The following KRTAP10-7 variants were observed in gnomAD, a reference collection of about 807,000 sequenced individuals.
The protein encoded by KRTAP10-7 is keratin-associated protein 10-7.
For missense variants in KRTAP10-7, 394 were observed against 474.3 expected (o/e 0.83, Z 1.57); for synonymous variants, 162 against 199.6 (o/e 0.81, Z 1.59).
At position 44,601,439 on chromosome 21, in the gene KRTAP10-7, C is replaced by T; in HGVS notation, c.818C>T (p.Pro273Leu). 3.7e-6 allele frequency: 6 copies of T among 1,611,340 alleles called. No homozygotes were observed. Among genetic ancestry groups the T allele is most frequent in the Non-Finnish European group, 4.2e-6 (5 of 1,178,762 alleles). Residue 273 changes from proline (P) to leucine (L), a missense_variant, in exon 1 of 1, where the codon CCT (proline) becomes CTT (leucine). Pro to Leu is a moderately conservative substitution (Grantham distance 98). Coordinates refer to ENST00000609664, the MANE Select transcript of KRTAP10-7 (RefSeq NM_198689.3). ...QGCCVPVCCK[P>L]VCCVPVCSGA... ...TGCTGCGTGCCCGTCTGCTGTAAGC[C>T]TGTGTGCTGTGTGCCCGTCTGCTCT...
In KRTAP10-7 at chr21:44,601,004, T is replaced by C. The variant is rs377276673; in HGVS notation, c.383T>C (p.Val128Ala). Residue 128 changes from valine to alanine, a missense_variant, in exon 1 of 1, where the codon GTC becomes GCC. Physicochemically the swap from Val to Ala is moderately conservative, Grantham distance 64 (BLOSUM62 0). Transcript: ENST00000609664. ...TGCAAGCCTGTGTACTGTGTGCCTG[T>C]CTGCAGTGGGGATTCTTCATGCTGC... ...VCCKPVYCVP[V>A]CSGDSSCCQQ... 2.5e-6 allele frequency: 4 copies of C among 1,610,482 alleles called. No homozygotes were observed. The African/African-American group carries it at 4.1e-5, about 17-fold the overall frequency.
Position 44,600,810 on chromosome 21 carries a change from G to A in KRTAP10-7, c.189G>A (p.Val63=), listed in dbSNP as rs782170621. The change falls in exon 1 of 1, where the codon GTG becomes GTA. Residue 63 remains valine (V), a synonymous_variant. Transcript: ENST00000609664. ...TGGTCTGCACCCCAGTGAGCTATGT[G>A]TCCAGCCCCTGCTGCCGAGTGACCT... ...LSLVCTPVSY[V]SSPCCRVTCE... The A allele has an allele frequency of 6.0e-4, 951 of 1,595,388 alleles. 185 individuals carry two copies. The South Asian group carries it at 7.5e-3, about 13-fold the overall frequency.
chr21:44,600,861 C>CT, the KRTAP10-7 span: 1 of 1,610,218 alleles, frequency 6.2e-7, no homozygotes, highest in Non-Finnish European at 8.5e-7. Context: ...GCCAATCAGG[C>CT]TGCACCAGCT....
chr21:44,600,926 C>T lies in KRTAP10-7; in HGVS notation c.305C>T (p.Ser102Phe). 6 of 1,612,014 alleles carry T rather than the reference C, an allele frequency of 3.7e-6. No individual in the cohort carries two copies. Among genetic ancestry groups the T allele is most frequent in the Admixed American group, 1.7e-5 (1 of 59,906 alleles). ...QSSCQLACCA[S>F]SPCQQACCVP... ...AGCTGCCAGCTGGCTTGCTGTGCCT[C>T]CTCCCCCTGCCAGCAGGCCTGCTGC... is the stretch of plus-strand genomic sequence containing the variant. The change falls in exon 1 of 1, where the codon TCC becomes TTC. Residue 102 changes from serine (S) to phenylalanine (F), a missense_variant. Physicochemically the swap from Ser to Phe is radical, Grantham distance 155. Coordinates refer to ENST00000609664, the MANE Select transcript of KRTAP10-7 (RefSeq NM_198689.3).
Position 44,601,794 on chromosome 21 carries a change from C to A in KRTAP10-7, c.*60C>A. 6.4e-7 allele frequency: 1 copy of A among 1,564,024 alleles called. No homozygotes were observed. Among genetic ancestry groups the A allele is most frequent in the Non-Finnish European group, 8.7e-7 (1 of 1,152,966 alleles). On this transcript the variant is annotated 3_prime_UTR_variant, in exon 1 of 1. Transcript: ENST00000609664. ...TCACTGCCACCTGCACCCCTGGATTCTTTACCCTTGACGGCTCTCCACATC... is the reference window on the plus strand; with the variant it reads ...TCACTGCCACCTGCACCCCTGGATTATTTACCCTTGACGGCTCTCCACATC...
At position 44,601,845 on chromosome 21, in the gene KRTAP10-7, T is replaced by A. The variant is rs1409032671; in HGVS notation, c.*111T>A. ...CCGCTCCTAAGCCCTGCAGTGGACG[T>A]CAGTGGTCAGCTGGCCATCCAGTGT... On this transcript the variant is annotated 3_prime_UTR_variant, in exon 1 of 1. Coordinates refer to ENST00000609664, the MANE Select transcript of KRTAP10-7 (RefSeq NM_198689.3). The A allele has an allele frequency of 7.0e-7, 1 of 1,420,118 alleles. No individual in the cohort carries two copies. The highest frequency in any genetic ancestry group is 9.4e-7 in the Non-Finnish European group (1 of 1,059,734). 88.0% of individuals were successfully genotyped at this position (1,420,118 alleles called of 1,614,324 possible). A position where few individuals can be genotyped will look rare whatever the true frequency, so the allele number is the denominator to read the frequency against.
In KRTAP10-7 at chr21:44,601,251, G is replaced by T; in HGVS notation, c.630G>T (p.Gln210His). ...CISSCTPSCC[Q>H]QSSCKPACCT... ...GCTCCTGCACGCCCTCGTGCTGCCA[G>T]CAGTCTAGCTGCAAGCCGGCTTGCT... The change falls in exon 1 of 1, where the codon CAG becomes CAT. Residue 210 changes from glutamine (Q) to histidine (H), a missense_variant. Gln to His is a conservative substitution (Grantham distance 24, BLOSUM62 0). Coordinates refer to ENST00000609664, the MANE Select transcript of KRTAP10-7 (RefSeq NM_198689.3). 6.2e-7 allele frequency: 1 copy of T among 1,609,250 alleles called. No homozygotes were observed. Among genetic ancestry groups the T allele is most frequent in the East Asian group, 2.3e-5 (1 of 44,316 alleles).
In KRTAP10-7 at chr21:44,600,788, T is replaced by G. The variant is rs1488003013; in HGVS notation, c.167T>G (p.Val56Gly). ...CCAPAPCLSL[V>G]CTPVSYVSSP... is the part of the protein sequence containing the mutation. ...GCCCCGGCCCCCTGCCTGAGCCTGG[T>G]CTGCACCCCAGTGAGCTATGTGTCC... Residue 56 changes from valine to glycine, a missense_variant, in exon 1 of 1, where the codon GTC becomes GGC. Physicochemically the swap from Val to Gly is moderately radical, Grantham distance 109. Transcript: ENST00000609664. 92 of 1,597,396 alleles carry G rather than the reference T, an allele frequency of 5.8e-5. 7 individuals carry two copies. The highest frequency in any genetic ancestry group is 7.1e-5 in the Non-Finnish European group (83 of 1,175,840).
rs782692391 is a variant in KRTAP10-7, at chr21:44,600,601, T to C, written c.-21T>C. On this transcript the variant is annotated 5_prime_UTR_variant, in exon 1 of 1. Transcript: ENST00000609664. Reference sequence around the variant, plus strand: ...ACTCACTCACCCACTCACTCCCATCTCCTCCAGTTCAATCCCCAGCATGGC... The same window carrying C: ...ACTCACTCACCCACTCACTCCCATCCCCTCCAGTTCAATCCCCAGCATGGC... 6.2e-7 allele frequency: 1 copy of C among 1,604,158 alleles called. No individual in the cohort carries two copies. Among genetic ancestry groups the C allele is most frequent in the Admixed American group, 1.7e-5 (1 of 59,708 alleles).
Position 44,600,716 on chromosome 21 carries a change from G to T in KRTAP10-7, c.95G>T (p.Trp32Leu), listed in dbSNP as rs781929207. The change falls in exon 1 of 1, where the codon TGG (tryptophan) becomes TTG (leucine). Residue 32 changes from tryptophan (W) to leucine (L), a missense_variant. Physicochemically the swap from Trp to Leu is moderately conservative, Grantham distance 61 (BLOSUM62 -2). Transcript: ENST00000609664. ...TCCTGTGACTCTTGCTCCGACTCCT[G>T]GCAGGTGGACGACTGCCCAGAGAGC... ...PGSCDSCSDSWQVDDCPESCC... is the reference protein window; with the variant it reads ...PGSCDSCSDSLQVDDCPESCC... 8.1e-6 allele frequency: 13 copies of T among 1,612,986 alleles called. No homozygotes were observed. In the East Asian group the frequency reaches 2.9e-4, roughly 36 times the overall value.
At position 44,600,843 on chromosome 21, in the gene KRTAP10-7, C is replaced by T; in HGVS notation, c.222C>T (p.Pro74=). The T allele has an allele frequency of 6.2e-7, 1 of 1,608,940 alleles. No homozygotes were observed. ...CCTGCTGCCGAGTGACCTGTGAGCC[C>T]AGCCCCTGCCAATCAGGCTGCACCA... The part of the protein sequence containing the change: ...SSPCCRVTCE[P]SPCQSGCTSS... The change falls in exon 1 of 1, where the codon CCC becomes CCT. Residue 74 remains proline (P), a synonymous_variant. Transcript: ENST00000609664.
rs1555928494 is a variant in KRTAP10-7, at chr21:44,600,924, C to T, written c.303C>T (p.Ala101=). The part of the protein sequence containing the change: ...QQSSCQLACC[A]SSPCQQACCV... ...CTAGCTGCCAGCTGGCTTGCTGTGC[C>T]TCCTCCCCCTGCCAGCAGGCCTGCT... The change falls in exon 1 of 1, where the codon GCC becomes GCT. Residue 101 remains alanine, a synonymous_variant. Coordinates refer to ENST00000609664, the MANE Select transcript of KRTAP10-7 (RefSeq NM_198689.3). 1.2e-6 allele frequency: 2 copies of T among 1,611,714 alleles called. No individual in the cohort carries two copies. Among genetic ancestry groups the T allele is most frequent in the Admixed American group, 1.7e-5 (1 of 59,876 alleles).
Position 44,600,864 on chromosome 21 carries a change from C to T in KRTAP10-7, c.243C>T (p.Cys81=), listed in dbSNP as rs782205356. The part of the protein sequence containing the change: ...TCEPSPCQSG[C]TSSCTPSCCQ... ...AGCCCAGCCCCTGCCAATCAGGCTG[C>T]ACCAGCTCCTGCACGCCCTCGTGCT... is the stretch of plus-strand genomic sequence containing the variant. Residue 81 remains cysteine (C), a synonymous_variant, in exon 1 of 1, where the codon TGC becomes TGT. Transcript: ENST00000609664. 28 of 1,610,414 alleles carry T rather than the reference C, an allele frequency of 1.7e-5. No individual in the cohort carries two copies. In the African/African-American group the frequency reaches 3.4e-4, roughly 20 times the overall value.
chr21:44,602,048 T>C lies in KRTAP10-7; in HGVS notation c.*314T>C. 2.1e-6 allele frequency: 1 copy of C among 486,862 alleles called. No individual in the cohort carries two copies. The allele number at this position is 486,862 out of a possible 1,614,324, so 30.2% of individuals were successfully genotyped here. The stretch of plus-strand genomic sequence containing the variant: ...GGTAGACAGGTACCAACTGGGTTTC[T>C]CGTCACTGTCCCAGCTCAGTGGCGA... On this transcript the variant is annotated 3_prime_UTR_variant, in exon 1 of 1. Transcript: ENST00000609664.
rs1187955755 is a variant in KRTAP10-7, at chr21:44,601,139, G to A, written c.518G>A (p.Cys173Tyr). The part of the protein sequence containing the change: ...PVCSGISSSC[C>Y]QQSSCVSCVS... ...TGCTCTGGGATTTCCTCTTCGTGCT[G>A]CCAGCAGTCTAGCTGTGTGAGCTGT... The change falls in exon 1 of 1, where the codon TGC becomes TAC. Residue 173 changes from cysteine (C) to tyrosine (Y), a missense_variant. Physicochemically the swap from Cys to Tyr is radical, Grantham distance 194. Coordinates refer to ENST00000609664, the MANE Select transcript of KRTAP10-7 (RefSeq NM_198689.3). The A allele has an allele frequency of 1.3e-6, 2 of 1,599,430 alleles. No individual in the cohort carries two copies. Among genetic ancestry groups the A allele is most frequent in the South Asian group, 2.2e-5 (2 of 90,208 alleles).
Position 44,600,970 on chromosome 21 carries a change from A to G in KRTAP10-7, c.349A>G (p.Thr117Ala). 1 of 1,573,268 alleles carries G rather than the reference A, an allele frequency of 6.4e-7. No homozygotes were observed. The highest frequency in any genetic ancestry group is 8.6e-7 in the Non-Finnish European group (1 of 1,162,328). Residue 117 changes from threonine (T) to alanine (A), a missense_variant, in exon 1 of 1, where the codon ACT becomes GCT. Physicochemically the swap from Thr to Ala is moderately conservative, Grantham distance 58. Coordinates refer to ENST00000609664, the MANE Select transcript of KRTAP10-7 (RefSeq NM_198689.3). ...QACCVPVCCK[T>A]VCCKPVYCVP... ...CTGCTGCGTGCCCGTCTGCTGCAAG[A>G]CTGTCTGCTGCAAGCCTGTGTACTG... is the stretch of plus-strand genomic sequence containing the variant.
rs782219309 is a variant in KRTAP10-7, at chr21:44,601,680, A to G, written c.1059A>G (p.Ala353=). ...ASCVSLLCRP[A]CSRPACCGPT... is the part of the protein sequence containing the mutation. ...GTGTGTCTCTCCTTTGCCGCCCCGC[A>G]TGCTCCCGCCCGGCCTGCTGTGGCC... The change falls in exon 1 of 1, where the codon GCA becomes GCG. Residue 353 remains alanine (A), a synonymous_variant. Transcript: ENST00000609664. The G allele has an allele frequency of 1.1e-5, 17 of 1,612,146 alleles. No individual in the cohort carries two copies. Among genetic ancestry groups the G allele is most frequent in the African/African-American group, 6.7e-5 (5 of 74,636 alleles).
Position 44,601,456 on chromosome 21 carries a change from G to A in KRTAP10-7, c.835G>A (p.Val279Ile), listed in dbSNP as rs781866660. 17 of 1,610,388 alleles carry A rather than the reference G, an allele frequency of 1.1e-5. No homozygotes were observed. Among genetic ancestry groups the A allele is most frequent in the Admixed American group, 1.7e-5 (1 of 59,716 alleles). ...CTGTAAGCCTGTGTGCTGTGTGCCC[G>A]TCTGCTCTGGGGCTTCCACTTCATG... Reference protein sequence around the residue: ...VCCKPVCCVPVCSGASTSCCQ... With the variant: ...VCCKPVCCVPICSGASTSCCQ... The change falls in exon 1 of 1, where the codon GTC becomes ATC. Residue 279 changes from valine to isoleucine, a missense_variant. Val to Ile is a conservative substitution (Grantham distance 29, BLOSUM62 3). Coordinates refer to ENST00000609664, the MANE Select transcript of KRTAP10-7 (RefSeq NM_198689.3).
chr21:44,600,875 G>A lies in KRTAP10-7; in HGVS notation c.254G>A (p.Cys85Tyr). The change falls in exon 1 of 1, where the codon TGC becomes TAC. Residue 85 changes from cysteine (C) to tyrosine (Y), a missense_variant. By Grantham distance (194) the Cys-to-Tyr change is radical. Coordinates refer to ENST00000609664, the MANE Select transcript of KRTAP10-7 (RefSeq NM_198689.3). ...SPCQSGCTSS[C>Y]TPSCCQQSSC... ...TGCCAATCAGGCTGCACCAGCTCCT[G>A]CACGCCCTCGTGCTGCCAGCAGTCT... The A allele has an allele frequency of 6.2e-7, 1 of 1,611,140 alleles. No homozygotes were observed. Among genetic ancestry groups the A allele is most frequent in the Non-Finnish European group, 8.5e-7 (1 of 1,179,868 alleles).
Sources: gnomAD v4.1 joint callset for allele counts on GRCh38, gnomAD v4.1.1 for gene constraint, MANE v1.5 for transcripts, NCBI Gene and HGNC (gene_info 2026-07-23, HGNC 2026-07-21) for gene names.